RGPD4: variants seen among roughly 807,000 people sequenced by gnomAD.
RGPD4 encodes RANBP2 like and GRIP domain containing 4, also known as ranBP2-like and GRIP domain-containing protein 4.
A neutral mutation model predicts 141.1 loss-of-function variants in RGPD4; 84 were observed. The observed-to-expected ratio is 0.60, with a 90% CI of 0.50 to 0.71. The LOEUF (loss-of-function observed/expected upper bound fraction) is 0.71, where lower values mean the gene tolerates loss of function less well. Among genes scored for constraint, RGPD4 ranks in the 30% least tolerant of loss-of-function variants. RGPD4 has a pLI of 0.00. For synonymous variants in RGPD4, 298 were observed against 566.8 expected (o/e 0.53, Z 6.74); for missense variants, 918 against 1,622.4 (o/e 0.57, Z 7.46).
chr2:107,882,758 G>C lies in RGPD4; in HGVS notation c.5151G>C (p.Leu1717Phe). The change falls in exon 22 of 23, where the codon TTG becomes TTC. Residue 1717 changes from leucine to phenylalanine, a missense_variant. By Grantham distance (22) the Leu-to-Phe change is conservative (BLOSUM62 0). Transcript: ENST00000408999. Reference sequence around the variant, plus strand: ...ACGTGGAACACTTGAAGAACGTCTTGCTGCAGTTCATTTTCTTGAAGCCAG... The same window carrying C: ...ACGTGGAACACTTGAAGAACGTCTTCCTGCAGTTCATTTTCTTGAAGCCAG... Reference protein sequence around the residue: ...AANVEHLKNVLLQFIFLKPGS... With the variant: ...AANVEHLKNVFLQFIFLKPGS... 1.9e-6 allele frequency: 3 copies of C among 1,611,582 alleles called. No individual in the cohort carries two copies. Among genetic ancestry groups the C allele is most frequent in the Non-Finnish European group, 2.5e-6 (3 of 1,179,860 alleles).
Position 107,840,787 on chromosome 2 carries a change from T to C in RGPD4, c.405+1823T>C, listed in dbSNP as rs557739108. ...TTTTTTGAGACAGAGTCTTGCTCTG[T>C]CGCCCATGCTGGAGTGCAGTGGTGC... is the stretch of plus-strand genomic sequence containing the variant. On this transcript the variant is annotated intron_variant, in intron 4 of 22. Transcript: ENST00000408999. 2.0e-4 allele frequency among the ~76,000 whole-genome samples: 14 copies of C among 70,784 alleles called. 3 individuals are homozygous for C. The highest frequency in any genetic ancestry group is 8.5e-3 in the Middle Eastern group (1 of 118). The allele number at this position is 70,784 out of a possible 152,430, so 46.4% of individuals were successfully genotyped here. A position where few individuals can be genotyped will look rare whatever the true frequency, so the allele number is the denominator to read the frequency against.
At chr2:107,835,117 GC>G (rs1681628167) in intron 1 of RGPD4, among the ~76,000 whole-genome samples, 1 of 35,906 alleles carries the variant, frequency 2.8e-5, no homozygotes, top group Admixed American at 2.9e-4. Context: ...TCATTCTGTT[GC>G]CCAGGCTGGA....
In RGPD4 at chr2:107,871,909, C is replaced by T. The variant is rs397698911; in HGVS notation, c.3905C>T (p.Pro1302Leu). Residue 1302 changes from proline (P) to leucine (L), a missense_variant, in exon 20 of 23, where the codon CCA (proline) becomes CTA (leucine). Coordinates refer to ENST00000408999, the MANE Select transcript of RGPD4 (RefSeq NM_182588.3). The part of the protein sequence containing the change: ...SNFSFKSALS[P>L]SKSPAKLNQS... Reference sequence around the variant, plus strand: ...TTCAGTTTTAAATCTGCTTTGAGTCCATCTAAGTCTCCTGCCAAGTTGAAT... The same window carrying T: ...TTCAGTTTTAAATCTGCTTTGAGTCTATCTAAGTCTCCTGCCAAGTTGAAT... 52 of 1,611,412 alleles carry T rather than the reference C, an allele frequency of 3.2e-5. 1 individual carries two copies. The highest frequency in any genetic ancestry group is 2.2e-4 in the Middle Eastern group (1 of 4,452).
intron 6 of RGPD4, among the ~76,000 whole-genome samples, chr2:107,844,434 G>C (rs1417273505): frequency 6.6e-6 from 1 of 152,226 alleles, no homozygotes; most frequent in Non-Finnish European, 1.5e-5. Flanking sequence ...GATTGGAGTT[G>C]AGTGGTTGCA....
At chr2:107,845,262 A>G (rs1573477055) in intron 6 of RGPD4, among the ~76,000 whole-genome samples, 1 of 65,770 alleles carries the variant, frequency 1.5e-5, no homozygotes, top group Non-Finnish European at 2.6e-5. Flanking sequence ...TTTTTGAGAC[A>G]GAGTCTCGCT....
chr2:107,854,742 G>T, intron 8 of RGPD4, 99 bp downstream of exon 8: 2 of 1,534,516 alleles, frequency 1.3e-6, no homozygotes, highest in Non-Finnish European at 1.8e-6. Flanking sequence ...GAGATAATTT[G>T]TCAAAATTAT....
chr2:107,885,919 G>A (rs1675498135), intron 22 of RGPD4, among the ~76,000 whole-genome samples: 1 of 151,574 alleles, frequency 6.6e-6, no homozygotes, highest in African/African-American at 2.4e-5. Context: ...TGGGCGTGGT[G>A]GTGCATGCCT....
chr2:107,888,795 A>T (rs1675576368), intron 22 of RGPD4, among the ~76,000 whole-genome samples: 1 of 111,690 alleles, frequency 9.0e-6, no homozygotes, highest in Non-Finnish European at 1.8e-5. Flanking sequence ...GCCTTGAGGA[A>T]CTAAACTCTT....
chr2:107,888,473 C>A (rs1675568627), intron 22 of RGPD4, among the ~76,000 whole-genome samples: 1 of 150,986 alleles, frequency 6.6e-6, no homozygotes, highest in Non-Finnish European at 1.5e-5. Context: ...GCCAAGTTGT[C>A]CATCCCTAAG....
intron 17 of RGPD4, among the ~76,000 whole-genome samples, chr2:107,865,723 T>C (rs1397329666): frequency 6.6e-6 from 1 of 151,058 alleles, no homozygotes; most frequent in African/African-American, 2.5e-5. Flanking sequence ...AAGAATCATA[T>C]TTTAAAATCA....
intron 20 of RGPD4, among the ~76,000 whole-genome samples, chr2:107,877,429 T>A (rs2556240): frequency 6.6e-6 from 1 of 151,220 alleles, no homozygotes; most frequent in African/African-American, 2.5e-5. Flanking sequence ...TGCTAGGCAA[T>A]GTAATTGATT....
chr2:107,870,765 G>A lies in RGPD4; in HGVS notation c.2761G>A (p.Asp921Asn). Residue 921 changes from aspartate to asparagine, a missense_variant, in exon 20 of 23, where the codon GAT (aspartate) becomes AAT (asparagine). Physicochemically the swap from Asp to Asn is conservative, Grantham distance 23. Coordinates refer to ENST00000408999, the MANE Select transcript of RGPD4 (RefSeq NM_182588.3). The stretch of plus-strand genomic sequence containing the variant: ...AGGATTTTCCATCCCTGTGTCTGCT[G>A]ATGGATTTAAATTTGGCATTTCGGA... ...KEGFSIPVSA[D>N]GFKFGISEPG... 1.9e-6 allele frequency: 3 copies of A among 1,610,266 alleles called. No individual in the cohort carries two copies. The highest frequency in any genetic ancestry group is 2.5e-6 in the Non-Finnish European group (3 of 1,179,326).
chr2:107,834,490 A>G (rs1681602286), intron 1 of RGPD4, among the ~76,000 whole-genome samples: 1 of 152,114 alleles, frequency 6.6e-6, no homozygotes, highest in African/African-American at 2.4e-5. Flanking sequence ...GACACGAATC[A>G]TCCCTTTGTC....
At chr2:107,881,694 A>G (rs1675371913) in intron 21 of RGPD4, among the ~76,000 whole-genome samples, 1 of 150,664 alleles carries the variant, frequency 6.6e-6, no homozygotes, top group Non-Finnish European at 1.5e-5. Context: ...AAATGGTCCT[A>G]GGTTTGAGGA....
chr2:107,886,051 T>A (rs1210246101), intron 22 of RGPD4, among the ~76,000 whole-genome samples: 3 of 70,990 alleles, frequency 4.2e-5, no homozygotes, highest in African/African-American at 1.7e-4. Context: ...AAAACTCTTA[T>A]CTCAAAAAAA....
At chr2:107,829,737 G>A (rs935460971) in intron 1 of RGPD4, among the ~76,000 whole-genome samples, 7 of 152,150 alleles carry the variant, frequency 4.6e-5, no homozygotes, top group South Asian at 4.1e-4. Context: ...TCTTTCTCCC[G>A]GCTTGTTCCC....
chr2:107,831,460 T>A (rs1396202393), intron 1 of RGPD4, among the ~76,000 whole-genome samples: 1 of 149,082 alleles, frequency 6.7e-6, no homozygotes, highest in Non-Finnish European at 1.5e-5. Flanking sequence ...CTGTTAGTTG[T>A]TTTTTCTGCC....
rs1008699128 is a variant in RGPD4 at position 107,888,696 on chromosome 2, A to G, written c.5267-2025A>G. On this transcript the variant is annotated intron_variant, in intron 22 of 22. Coordinates refer to ENST00000408999, the MANE Select transcript of RGPD4 (RefSeq NM_182588.3). ...AAGAGATTGTGGCTTCTATCTTGCT[A>G]GTGGACTCTCTCTGTCTTCTCTGCT... Among the ~76,000 whole-genome samples, 54 of 104,760 alleles carry G rather than the reference A, an allele frequency of 5.2e-4. 5 individuals carry two copies. The highest frequency in any genetic ancestry group is 2.3e-3 in the African/African-American group (52 of 23,066). The allele number at this position is 104,760 out of a possible 152,430, so 68.7% of individuals were successfully genotyped here. A position where few individuals can be genotyped will look rare whatever the true frequency, so the allele number is the denominator to read the frequency against.
intron 21 of RGPD4, among the ~76,000 whole-genome samples, chr2:107,882,319 C>T (rs2261432): frequency 5.9e-5 from 9 of 151,932 alleles, no homozygotes; most frequent in East Asian, 1.9e-4. Context: ...AGCTTGTTGC[C>T]TTTCTACTTC....
Sources: gnomAD v4.1 joint callset for allele counts (sites outside exome capture counted in the v4.1 genomes callset) on GRCh38, gnomAD v4.1.1 for gene constraint, MANE v1.5 for transcripts, NCBI Gene and HGNC (gene_info 2026-07-23, HGNC 2026-07-21) for gene names.